Variants in C12orf42 observed in about 807,000 individuals in gnomAD.
The protein encoded by C12orf42 is uncharacterized protein C12orf42.
C12orf42 carries 25 observed loss-of-function variants against 21.6 expected under a neutral mutation model. The ratio of observed to expected loss-of-function variants is 1.16; its 90% CI spans 0.84 to 1.62. C12orf42 has a LOEUF of 1.62. C12orf42 is among the 40% of genes most tolerant of loss of function. The pLI is 0.00. For synonymous variants in C12orf42, 174 were observed against 175.0 expected, an observed-to-expected ratio of 0.99 and a Z score of 0.05; for missense variants, 483 against 459.3, an observed-to-expected ratio of 1.05 and a Z score of -0.47.
chr12:103,552,072 G>A, the C12orf42 span, among the ~76,000 whole-genome samples: 6 of 152,004 alleles, frequency 3.9e-5, no homozygotes, highest in African/African-American at 1.5e-4. Context: ...GATCTCTTAT[G>A]GAATGAACCT....
At chr12:103,384,066 A>G (rs1320564500) in intron 3 of C12orf42, among the ~76,000 whole-genome samples, 1 of 152,256 alleles carries the variant, frequency 6.6e-6, no homozygotes, top group African/African-American at 2.4e-5. Flanking sequence ...AATGGTATTC[A>G]TAGCACTATT....
chr12:103,134,517 A>G, the C12orf42 span, among the ~76,000 whole-genome samples: 1 of 140,010 alleles, frequency 7.1e-6, no homozygotes, highest in African/African-American at 2.7e-5. Context: ...AGCAGAAGAA[A>G]GAATTTCAGA....
intron 4 of C12orf42, among the ~76,000 whole-genome samples, chr12:103,353,721 G>A (rs146376902): frequency 6.6e-6 from 1 of 152,266 alleles, no homozygotes; most frequent in Non-Finnish European, 1.5e-5. Flanking sequence ...ATGAAAAGTG[G>A]TTTTCACCAA....
At chr12:103,356,081 G>C (rs1354906562) in intron 4 of C12orf42, among the ~76,000 whole-genome samples, 1 of 152,058 alleles carries the variant, frequency 6.6e-6, no homozygotes, top group Non-Finnish European at 1.5e-5. Flanking sequence ...AAACTTAAAA[G>C]TCTAACTCCT....
At chr12:103,346,614 C>G (rs2042642569) in intron 4 of C12orf42, among the ~76,000 whole-genome samples, 1 of 152,124 alleles carries the variant, frequency 6.6e-6, no homozygotes, top group Admixed American at 6.5e-5. Flanking sequence ...AGTTGTTACT[C>G]CTCTCTGGAA....
At chr12:103,232,753 T>G (rs144461108), downstream of C12orf42, among the ~76,000 whole-genome samples, 3 of 152,166 alleles carry the variant, frequency 2.0e-5, no homozygotes, top group African/African-American at 7.2e-5. Context: ...TGTTTTACAT[T>G]TATGTCTATG....
chr12:103,241,445 C>T (rs1430081795), intron 10 of C12orf42, among the ~76,000 whole-genome samples: 4 of 152,126 alleles, frequency 2.6e-5, no homozygotes, highest in African/African-American at 9.7e-5. Flanking sequence ...GGACCACTCT[C>T]CATGGGCAAT....
chr12:103,518,126 T>A, the C12orf42 span, among the ~76,000 whole-genome samples: 1 of 152,238 alleles, frequency 6.6e-6, no homozygotes, highest in Non-Finnish European at 1.5e-5. Context: ...ACACAGATGT[T>A]ACTTTGAACT....
chr12:103,423,641 C>CA (rs1949554798), intron 2 of C12orf42, among the ~76,000 whole-genome samples: 1 of 152,192 alleles, frequency 6.6e-6, no homozygotes, highest in Non-Finnish European at 1.5e-5. Flanking sequence ...ACATTTGCAG[C>CA]ATTCCTTGGA....
At chr12:103,486,186 C>G (rs1255809449) in intron 1 of C12orf42, among the ~76,000 whole-genome samples, 1 of 152,096 alleles carries the variant, frequency 6.6e-6, no homozygotes, top group Non-Finnish European at 1.5e-5. Context: ...GCACGAAGCG[C>G]TGTTGAATTT....
At chr12:103,532,139 A>G in the C12orf42 span, among the ~76,000 whole-genome samples, 1 of 152,206 alleles carries the variant, frequency 6.6e-6, no homozygotes, top group Non-Finnish European at 1.5e-5. Flanking sequence ...AGTTGAAGAA[A>G]CTGAGGCACT....
chr12:103,408,003 A>T (rs1593863127), intron 2 of C12orf42, among the ~76,000 whole-genome samples: 1 of 152,324 alleles, frequency 6.6e-6, no homozygotes, highest in South Asian at 2.1e-4. Flanking sequence ...TCATCATCAT[A>T]GTAACAATGG....
the C12orf42 span, among the ~76,000 whole-genome samples, chr12:103,215,371 T>C: frequency 1.6e-4 from 24 of 152,174 alleles, no homozygotes; most frequent in South Asian, 5.0e-3. Context: ...ATAATGACAC[T>C]GGTGCTAATA....
intron 3 of C12orf42, among the ~76,000 whole-genome samples, chr12:103,396,285 A>ACT (rs891064037): frequency 2.6e-5 from 4 of 151,528 alleles, no homozygotes; most frequent in African/African-American, 9.7e-5. Context: ...TTTCCCTTGC[A>ACT]CTCTCTCTCC....
At chr12:103,532,258 G>A in the C12orf42 span, among the ~76,000 whole-genome samples, 831 of 152,196 alleles carry the variant, frequency 5.5e-3, 13 homozygotes, top group African/African-American at 0.015. Flanking sequence ...GATGGATACC[G>A]TGCAGCCGTG....
At chr12:103,217,193 C>T in the C12orf42 span, among the ~76,000 whole-genome samples, 1 of 152,078 alleles carries the variant, frequency 6.6e-6, no homozygotes, top group East Asian at 1.9e-4. Context: ...TGGTCCAGAA[C>T]ACATTGAAGT....
chr12:103,406,419 A>G (rs1238796347), intron 2 of C12orf42, among the ~76,000 whole-genome samples: 1 of 152,216 alleles, frequency 6.6e-6, no homozygotes, highest in Non-Finnish European at 1.5e-5. Flanking sequence ...AGACCTGGAT[A>G]GTGTAATAGA....
chr12:103,374,463 C>T lies in C12orf42; in HGVS notation c.148-5465G>A, dbSNP rs79485547. Among the ~76,000 whole-genome samples the T allele has an allele frequency of 7.3e-4, 111 of 152,256 alleles. 3 individuals carry two copies. In the East Asian group the frequency reaches 0.016, roughly 22 times the overall value. On this transcript the variant is annotated intron_variant, in intron 3 of 5. Coordinates refer to ENST00000548883, the MANE Select transcript of C12orf42 (RefSeq NM_198521.5). ...CCAGCATGAGGCAAGCATCTCTTGG[C>T]TTTGAATTACTTCTCTGGTAAGCTA...
chr12:103,479,870 CT>C (rs1954337479), intron 1 of C12orf42, among the ~76,000 whole-genome samples: 2 of 151,868 alleles, frequency 1.3e-5, no homozygotes, highest in African/African-American at 4.8e-5. Flanking sequence ...ATTTTGTTTT[CT>C]TCTTCAATGA....
Sources: gnomAD v4.1 joint callset for allele counts (sites outside exome capture counted in the v4.1 genomes callset) on GRCh38, gnomAD v4.1.1 for gene constraint, MANE v1.5 for transcripts, NCBI Gene and HGNC (gene_info 2026-07-23, HGNC 2026-07-21) for gene names.